Variants in FOXP2 observed in about 807,000 individuals in gnomAD.
FOXP2 encodes forkhead box P2, also known as forkhead box protein P2.
In FOXP2, 12 loss-of-function variants were observed where a neutral mutation model predicts 115.8. The observed-to-expected ratio is 0.10, with a 90% confidence interval of 0.07 to 0.17. The LOEUF is 0.17. Among genes scored for constraint, FOXP2 ranks in the 10% least tolerant of loss-of-function variants. FOXP2 has a pLI of 1.00. For synonymous variants in FOXP2, 328 were observed against 297.7 expected (o/e 1.10, Z -1.05); for missense variants, 629 against 843.5 (o/e 0.75, Z 3.15).
intron 8 of FOXP2, among the ~76,000 whole-genome samples, chr7:114,651,556 GGA>G (rs1261351625): frequency 1.3e-5 from 2 of 151,934 alleles, no homozygotes; most frequent in Admixed American, 6.6e-5. Flanking sequence ...GAGATCATTT[GGA>G]ATGATTTATT....
intron 2 of FOXP2, among the ~76,000 whole-genome samples, chr7:114,305,079 C>T (rs1028468330): frequency 6.6e-6 from 1 of 151,820 alleles, no homozygotes; most frequent in African/African-American, 2.4e-5. Flanking sequence ...TATGCTTGAC[C>T]TCATTTGACT....
intron 2 of FOXP2, among the ~76,000 whole-genome samples, chr7:114,466,159 G>A (rs1025129644): frequency 6.6e-6 from 1 of 152,064 alleles, no homozygotes; most frequent in Non-Finnish European, 1.5e-5. Context: ...CCAAACCTCA[G>A]TTCCTCACCT....
chr7:114,188,473 T>C (rs1264411758), intron 1 of FOXP2, among the ~76,000 whole-genome samples: 1 of 152,204 alleles, frequency 6.6e-6, no homozygotes, highest in Non-Finnish European at 1.5e-5. Flanking sequence ...TTAAATAATG[T>C]CTTATCTATG....
chr7:114,232,279 T>C (rs1162709047), intron 1 of FOXP2, among the ~76,000 whole-genome samples: 1 of 152,180 alleles, frequency 6.6e-6, no homozygotes, highest in Non-Finnish European at 1.5e-5. Context: ...TGTAAAATGA[T>C]ACAGCCACTA....
At chr7:114,149,694 G>T (rs977868510) in intron 1 of FOXP2, among the ~76,000 whole-genome samples, 1 of 151,986 alleles carries the variant, frequency 6.6e-6, no homozygotes, top group Non-Finnish European at 1.5e-5. Context: ...GGAGCTTCTT[G>T]AATTAACAAG....
chr7:114,367,834 T>C (rs1022972580), intron 2 of FOXP2, among the ~76,000 whole-genome samples: 8 of 152,218 alleles, frequency 5.3e-5, no homozygotes, highest in Admixed American at 1.3e-4. Flanking sequence ...GAGAGATGAC[T>C]AAATAAGCAC....
intron 3 of FOXP2, among the ~76,000 whole-genome samples, chr7:114,621,476 G>A (rs1804252091): frequency 6.6e-6 from 1 of 151,968 alleles, no homozygotes; most frequent in South Asian, 2.1e-4. Context: ...GTACAAATTA[G>A]GACATTCACG....
chr7:114,643,455 AATAT>A (rs1363692850), intron 7 of FOXP2, among the ~76,000 whole-genome samples: 1 of 152,190 alleles, frequency 6.6e-6, no homozygotes, highest in Non-Finnish European at 1.5e-5. Context: ...GAAATAAGTA[AATAT>A]ATAAAGATAA....
chr7:114,350,527 C>T (rs942840506), intron 2 of FOXP2, among the ~76,000 whole-genome samples: 7 of 152,118 alleles, frequency 4.6e-5, no homozygotes, highest in Non-Finnish European at 1.0e-4. Context: ...CTGCTAACAT[C>T]ACTTACAATG....
chr7:114,271,945 G>T (rs1796066352), intron 1 of FOXP2, among the ~76,000 whole-genome samples: 2 of 124,964 alleles, frequency 1.6e-5, no homozygotes, highest in Non-Finnish European at 1.6e-5. Context: ...TTAATATATT[G>T]TATTTATTAT....
intron 3 of FOXP2, among the ~76,000 whole-genome samples, chr7:114,567,295 A>T (rs1308774463): frequency 1.3e-5 from 2 of 152,140 alleles, no homozygotes; most frequent in Admixed American, 1.3e-4. Context: ...TTTACAATTG[A>T]ACATATTTAA....
intron 1 of FOXP2, among the ~76,000 whole-genome samples, chr7:114,166,285 T>A (rs1272492294): frequency 6.6e-6 from 1 of 152,092 alleles, no homozygotes; most frequent in African/African-American, 2.4e-5. Context: ...AATTTCTATT[T>A]TGAGGAAAGC....
chr7:114,395,804 C>A (rs1209648122), intron 2 of FOXP2, among the ~76,000 whole-genome samples: 1 of 151,600 alleles, frequency 6.6e-6, no homozygotes, highest in Non-Finnish European at 1.5e-5. Flanking sequence ...GACAGGATTT[C>A]TCATTCATTT....
At chr7:114,168,902 G>A (rs1793057741) in intron 1 of FOXP2, among the ~76,000 whole-genome samples, 1 of 152,206 alleles carries the variant, frequency 6.6e-6, no homozygotes, top group Non-Finnish European at 1.5e-5. Flanking sequence ...AGGGACAAAT[G>A]TAGAGCTAGG....
At chr7:114,139,403 A>T (rs996619635) in intron 1 of FOXP2, among the ~76,000 whole-genome samples, 1 of 152,200 alleles carries the variant, frequency 6.6e-6, no homozygotes, top group Non-Finnish European at 1.5e-5. Flanking sequence ...GGTATAAAAC[A>T]TAATAAAAAA....
intron 2 of FOXP2, among the ~76,000 whole-genome samples, chr7:114,523,689 C>T (rs1798730537): frequency 2.0e-5 from 3 of 152,180 alleles, no homozygotes; most frequent in Admixed American, 2.0e-4. Context: ...TTTTCTTCGA[C>T]TGTCTTTTTG....
intron 2 of FOXP2, among the ~76,000 whole-genome samples, chr7:114,372,197 T>C (rs1230698615): frequency 6.6e-6 from 1 of 152,124 alleles, no homozygotes; most frequent in African/African-American, 2.4e-5. Context: ...AACAAAAATA[T>C]CTGTCCTGTT....
At chr7:114,405,984 T>C (rs1793027229) in intron 2 of FOXP2, among the ~76,000 whole-genome samples, 1 of 151,794 alleles carries the variant, frequency 6.6e-6, no homozygotes, top group African/African-American at 2.4e-5. Context: ...AGTTGAAAAA[T>C]AAGACATTGC....
intron 2 of FOXP2, among the ~76,000 whole-genome samples, chr7:114,294,517 A>G (rs990307552): frequency 6.6e-6 from 1 of 152,158 alleles, no homozygotes; most frequent in South Asian, 2.1e-4. Context: ...AAAAGTATGT[A>G]TCAGCAAGTA....
Sources: gnomAD v4.1 joint callset for allele counts (sites outside exome capture counted in the v4.1 genomes callset) on GRCh38, gnomAD v4.1.1 for gene constraint, MANE v1.5 for transcripts, NCBI Gene and HGNC (gene_info 2026-07-23, HGNC 2026-07-21) for gene names.